Variants in SPIDR observed in about 807,000 individuals in gnomAD.
The protein encoded by SPIDR is DNA repair-scaffolding protein.
In SPIDR, 93 loss-of-function variants were observed where a neutral mutation model predicts 104.6. That is an observed-to-expected ratio of 0.89 (90% CI 0.75 to 1.06). SPIDR has a LOEUF of 1.06. Among genes scored for constraint, SPIDR ranks in the 50% least tolerant of loss-of-function variants. The probability of loss-of-function intolerance (pLI) is 0.00; values close to 1 mark genes in which losing one functional copy is unlikely to be tolerated. For synonymous variants in SPIDR, 431 were observed against 416.9 expected (o/e 1.03, Z -0.41); for missense variants, 1,154 against 1,111.2 (o/e 1.04, Z -0.55).
chr8:47,355,192 G>A (rs1554624985), intron 5 of SPIDR, among the ~76,000 whole-genome samples: 2 of 151,026 alleles, frequency 1.3e-5, no homozygotes, highest in African/African-American at 2.4e-5. Flanking sequence ...CTGGCCTCAG[G>A]TGGTCCACCC....
At position 47,496,810 on chromosome 8, in the gene SPIDR, ATGTTTGTTTGTT is replaced by A. The variant is rs56406549; in HGVS notation, c.1097+56292_1097+56303del. Among the ~76,000 whole-genome samples, 393 of 146,060 alleles carry A rather than the reference ATGTTTGTTTGTT, an allele frequency of 2.7e-3. 2 individuals are homozygous for A. The highest frequency in any genetic ancestry group is 4.5e-3 in the Non-Finnish European group (301 of 66,490). ...TTCACCACTGAAACTATCTGGGCCT[ATGTTTGTTTGTT>A]TGTTTGTTTGTTTGTTTGTTTGTCA... On this transcript the variant is annotated intron_variant, in intron 8 of 19. Coordinates refer to ENST00000297423, the MANE Select transcript of SPIDR (RefSeq NM_001080394.4).
intron 8 of SPIDR, among the ~76,000 whole-genome samples, chr8:47,505,741 G>A (rs142812123): frequency 3.9e-5 from 6 of 152,198 alleles, no homozygotes; most frequent in East Asian, 1.9e-4. Flanking sequence ...GTTCCTATTC[G>A]GTACAGCAGC....
rs545993826 is a variant in SPIDR at position 47,473,628 on chromosome 8, C to T, written c.1097+33086C>T. Among the ~76,000 whole-genome samples the T allele has an allele frequency of 3.3e-5, 5 of 152,310 alleles. No individual in the cohort carries two copies. In the East Asian group the frequency reaches 9.6e-4, roughly 29 times the overall value. On this transcript the variant is annotated intron_variant, in intron 8 of 19. Transcript: ENST00000297423. ...TGCCTTCCACACGCGTCTATTTTAG[C>T]ACATTCAATAGGATCTGTGGTTGTA...
intron 5 of SPIDR, among the ~76,000 whole-genome samples, chr8:47,317,944 C>T (rs944694232): frequency 5.3e-5 from 8 of 152,216 alleles, no homozygotes; most frequent in Admixed American, 2.0e-4. Flanking sequence ...CCCATCTGTA[C>T]GTCACTATCA....
chr8:47,364,186 C>A lies in SPIDR; in HGVS notation c.526-32190C>A, dbSNP rs372351578. ...TTTTGCCTAGAACAGTAACTGGTCA[C>A]ATTTAATCCTGTATAGGCTTGAAAC... On this transcript the variant is annotated intron_variant, in intron 5 of 19. Transcript: ENST00000297423. Among the ~76,000 whole-genome samples the A allele has an allele frequency of 3.8e-3, 576 of 152,344 alleles. 3 individuals carry two copies. The highest frequency in any genetic ancestry group is 0.022 in the South Asian group (108 of 4,834).
chr8:47,301,216 C>T (rs1312774359), intron 5 of SPIDR, among the ~76,000 whole-genome samples: 1 of 152,154 alleles, frequency 6.6e-6, no homozygotes, highest in East Asian at 1.9e-4. Flanking sequence ...TTCTTTGTCT[C>T]TTCTGATCTT....
chr8:47,410,670 T>C (rs769947991), intron 7 of SPIDR, among the ~76,000 whole-genome samples: 1 of 152,028 alleles, frequency 6.6e-6, no homozygotes, highest in Non-Finnish European at 1.5e-5. Context: ...TTTATTATTA[T>C]TATTATATTT....
chr8:47,363,500 T>TAA (rs34766173), intron 5 of SPIDR, among the ~76,000 whole-genome samples: 2 of 139,650 alleles, frequency 1.4e-5, no homozygotes, highest in African/African-American at 5.5e-5. Context: ...CAACCTTTTT[T>TAA]AAAAAAAAAA....
At chr8:47,361,448 G>A (rs868995786) in intron 5 of SPIDR, among the ~76,000 whole-genome samples, 1 of 152,204 alleles carries the variant, frequency 6.6e-6, no homozygotes, top group Admixed American at 6.5e-5. Flanking sequence ...CAGTCCCAGA[G>A]CTAATGAGCT....
intron 5 of SPIDR, among the ~76,000 whole-genome samples, chr8:47,336,375 A>C (rs1554609257): frequency 6.6e-6 from 1 of 152,204 alleles, no homozygotes; most frequent in East Asian, 1.9e-4. Context: ...AGTGACTGAG[A>C]CAAAGAGTAT....
intron 5 of SPIDR, among the ~76,000 whole-genome samples, chr8:47,298,686 CCCAGCA>C (rs2041399132): frequency 6.6e-6 from 1 of 152,156 alleles, no homozygotes; most frequent in Admixed American, 6.5e-5. Context: ...AGCCAGTTTT[CCCAGCA>C]CCATTTGTAA....
chr8:47,407,802 C>A, intron 6 of SPIDR, 59 bp from the exon 7 acceptor site: 1 of 1,011,156 alleles, frequency 9.9e-7, no homozygotes, highest in Non-Finnish European at 1.5e-6. Flanking sequence ...TATAAATGTT[C>A]CAGTGATTCT....
At chr8:47,272,119 C>T (rs1416637143) in intron 1 of SPIDR, among the ~76,000 whole-genome samples, 3 of 152,150 alleles carry the variant, frequency 2.0e-5, no homozygotes, top group Admixed American at 6.5e-5. Context: ...AGGTGCGCGC[C>T]ACCACACCCG....
chr8:47,595,651 G>T (rs1243591204), intron 8 of SPIDR, among the ~76,000 whole-genome samples, 160 bp from the exon 9 acceptor site: 1 of 152,214 alleles, frequency 6.6e-6, no homozygotes, highest in East Asian at 1.9e-4. Flanking sequence ...ACTACTGGTG[G>T]CCATGCTGGA....
In SPIDR at chr8:47,443,292, G is replaced by A. The variant is rs187562984; in HGVS notation, c.1097+2750G>A. Among the ~76,000 whole-genome samples, 711 of 152,126 alleles carry A rather than the reference G, an allele frequency of 4.7e-3. 2 individuals carry two copies. Among genetic ancestry groups the A allele is most frequent in the Non-Finnish European group, 8.0e-3 (545 of 67,988 alleles). Reference sequence around the variant, plus strand: ...AATGCTTAAGAAAATAGAAGAGGCCGGGCGCATTAGTTCACGCCTATAATC... The same window carrying A: ...AATGCTTAAGAAAATAGAAGAGGCCAGGCGCATTAGTTCACGCCTATAATC... On this transcript the variant is annotated intron_variant, in intron 8 of 19. Transcript: ENST00000297423.
At chr8:47,490,479 A>C (rs1010961178) in intron 8 of SPIDR, among the ~76,000 whole-genome samples, 1 of 152,240 alleles carries the variant, frequency 6.6e-6, no homozygotes, top group Admixed American at 6.5e-5. Context: ...CATTTGACCC[A>C]GCCATCCCAT....
rs1178353537 is a variant in SPIDR, at chr8:47,363,240, C to G, written c.526-33136C>G. Reference sequence around the variant, plus strand: ...TTTTTTTTTGAGACAGAGTCTTGCTCTGTCACCCAGGCTGGAGTGCAGTGG... The same window carrying G: ...TTTTTTTTTGAGACAGAGTCTTGCTGTGTCACCCAGGCTGGAGTGCAGTGG... On this transcript the variant is annotated intron_variant, in intron 5 of 19. Coordinates refer to ENST00000297423, the MANE Select transcript of SPIDR (RefSeq NM_001080394.4). Among the ~76,000 whole-genome samples, 31 of 109,230 alleles carry G rather than the reference C, an allele frequency of 2.8e-4. No individual in the cohort carries two copies. In the Admixed American group the frequency reaches 3.2e-3, roughly 11 times the overall value. The allele number at this position is 109,230 out of a possible 152,430, so 71.7% of individuals were successfully genotyped here.
chr8:47,440,454 G>T lies in SPIDR; in HGVS notation c.1009G>T (p.Gly337Ter). Residue 337 changes from glycine to a stop codon, truncating the protein, a stop_gained, in exon 8 of 20, where the codon GGA becomes TGA. Coordinates refer to ENST00000297423, the MANE Select transcript of SPIDR (RefSeq NM_001080394.4). LOFTEE classifies it high-confidence loss of function. ...CTCCCAAAGTGTGGCTCCCAGGCCT[G>T]GAGCTGGCCTGAAAGTTCTCTTCAC... is the stretch of plus-strand genomic sequence containing the variant. ...SSSQSVAPRPGAGLKVLFTKE... is the reference protein window; with the variant it reads ...SSSQSVAPRP 2 of 1,614,216 alleles carry T rather than the reference G, an allele frequency of 1.2e-6. No individual in the cohort carries two copies. Among genetic ancestry groups the T allele is most frequent in the Non-Finnish European group, 1.7e-6 (2 of 1,180,018 alleles).
At chr8:47,464,954 A>G (rs1554716101) in intron 8 of SPIDR, among the ~76,000 whole-genome samples, 1 of 151,852 alleles carries the variant, frequency 6.6e-6, no homozygotes, top group African/African-American at 2.4e-5. Context: ...TTTTTAGATG[A>G]CGTTTCACCA....
Sources: gnomAD v4.1 joint callset for allele counts (sites outside exome capture counted in the v4.1 genomes callset) on GRCh38, gnomAD v4.1.1 for gene constraint, MANE v1.5 for transcripts, NCBI Gene and HGNC (gene_info 2026-07-23, HGNC 2026-07-21) for gene names.